PHKG1: variants seen among roughly 807,000 people sequenced by gnomAD.
PHKG1 encodes the protein phosphorylase kinase catalytic subunit gamma 1.
Under a neutral mutation model 50.5 loss-of-function variants are expected in PHKG1, and 48 were observed. The observed-to-expected ratio is 0.95, with a 90% CI of 0.75 to 1.21. PHKG1 has a LOEUF of 1.21. PHKG1 is among the 50% of genes most tolerant of loss of function. PHKG1 has a pLI of 0.00. For missense variants in PHKG1, 487 were observed against 519.5 expected, an observed-to-expected ratio of 0.94 and a Z score of 0.61; for synonymous variants, 204 against 212.8, an observed-to-expected ratio of 0.96 and a Z score of 0.36.
intron 6 of PHKG1, 47 bp downstream of exon 6, chr7:56,083,231 A>G (rs774874067): frequency 6.3e-7 from 1 of 1,584,090 alleles, no homozygotes; most frequent in Admixed American, 1.7e-5. Flanking sequence ...CAGATGGTTG[A>G]TTGAGCACCC....
Position 56,080,797 on chromosome 7 carries a change from T to A in PHKG1, c.*257A>T. On this transcript the variant is annotated 3_prime_UTR_variant, in exon 10 of 10. Coordinates refer to ENST00000297373, the MANE Select transcript of PHKG1 (RefSeq NM_006213.5). ...ATCTAGGAAGTAGAGGAGCAGGGGG[T>A]TCCTGGTTCTCAGGCCACGTGTGAT... 1.9e-6 allele frequency: 1 copy of A among 530,556 alleles called. No homozygotes were observed. Among genetic ancestry groups the A allele is most frequent in the Non-Finnish European group, 3.4e-6 (1 of 294,246 alleles). The allele number at this position is 530,556 out of a possible 1,614,324, so 32.9% of individuals were successfully genotyped here.
At chr7:56,088,670 G>A in intron 2 of PHKG1, 189 bp downstream of exon 2, 1 of 503,516 alleles carries the variant, frequency 2.0e-6, no homozygotes, top group South Asian at 3.0e-5. Flanking sequence ...GGAACTTTTT[G>A]CTGGGAGAGG....
At chr7:56,083,497 A>G (rs1316236471) in intron 5 of PHKG1, 56 bp from the exon 6 acceptor site, 5 of 1,589,228 alleles carry the variant, frequency 3.1e-6, no homozygotes, top group Middle Eastern at 1.7e-4. Flanking sequence ...GGTAACAGGC[A>G]GGGAGACACA....
chr7:56,081,068 C>A lies in PHKG1; in HGVS notation c.1150G>T (p.Glu384Ter), dbSNP rs141230469. The A allele has an allele frequency of 1.9e-6, 3 of 1,612,410 alleles. No homozygotes were observed. The South Asian group carries it at 3.3e-5, about 18-fold the overall frequency. The change falls in exon 10 of 10, where the codon GAG becomes TAG. Residue 384 changes from glutamate to a stop codon, truncating the protein, a stop_gained. Transcript: ENST00000297373. LOFTEE classifies it high-confidence loss of function. This position sits in a 1 kb window ranked among gnomAD's most constrained non-coding sequence, Gnocchi z 4.6. ...TPKAVLLSLAEEDY is the reference protein window; with the variant it reads ...TPKAVLLSLA Reference sequence around the variant, plus strand: ...TGGCCAGCCCCTCAGTAGTCCTCCTCGGCCAGGGAGAGGAGCACGGCCTTG... The same window carrying A: ...TGGCCAGCCCCTCAGTAGTCCTCCTAGGCCAGGGAGAGGAGCACGGCCTTG...
At position 56,087,551 on chromosome 7, in the gene PHKG1, G is replaced by T. The variant is rs754099134; in HGVS notation, c.262+47C>A. On this transcript the variant is annotated intron_variant, in intron 3 of 9. Coordinates refer to ENST00000297373, the MANE Select transcript of PHKG1 (RefSeq NM_006213.5). ...CTCCCTGGCTTGGGCTGTCAGGGCAGAATCACAGGGGGGCACCCTGCCGTG... is the reference window on the plus strand; with the variant it reads ...CTCCCTGGCTTGGGCTGTCAGGGCATAATCACAGGGGGGCACCCTGCCGTG... The T allele has an allele frequency of 3.2e-6, 5 of 1,580,026 alleles. No homozygotes were observed. The Admixed American group carries it at 8.4e-5, about 27-fold the overall frequency.
At chr7:56,086,757 G>A (rs534505417) in intron 4 of PHKG1, 1 of 570,312 alleles carries the variant, frequency 1.8e-6, no homozygotes, top group Admixed American at 3.1e-5. Flanking sequence ...AGAAAACCAA[G>A]ATTTAAAGAA....
At position 56,081,936 on chromosome 7, in the gene PHKG1, C is replaced by T; in HGVS notation, c.749G>A (p.Gly250Asp). 1 of 1,613,856 alleles carries T rather than the reference C, an allele frequency of 6.2e-7. No homozygotes were observed. Among genetic ancestry groups the T allele is most frequent in the Non-Finnish European group, 8.5e-7 (1 of 1,180,010 alleles). ...CGAGTAATCATCCCACTCGGGCGAGCCAAACTGGTAGTTGCCGCTCATGAT... is the reference window on the plus strand; with the variant it reads ...CGAGTAATCATCCCACTCGGGCGAGTCAAACTGGTAGTTGCCGCTCATGAT... ...RMIMSGNYQF[G>D]SPEWDDYSDT... Residue 250 changes from glycine to aspartate, a missense_variant, in exon 8 of 10, where the codon GGC (glycine) becomes GAC (aspartate). By Grantham distance (94) the Gly-to-Asp change is moderately conservative. Coordinates refer to ENST00000297373, the MANE Select transcript of PHKG1 (RefSeq NM_006213.5). This position sits in a 1 kb window ranked among gnomAD's most constrained non-coding sequence, Gnocchi z 4.6.
Position 56,082,205 on chromosome 7 carries a change from G to A in PHKG1, c.596C>T (p.Ser199Phe). ...GTAGCCCGGGTGGTCCTCATTCATG[G>A]AGCACTCGATAATCTCAGGGGCCAG... is the stretch of plus-strand genomic sequence containing the variant. ...SYLAPEIIECSMNEDHPGYGK... is the reference protein window; with the variant it reads ...SYLAPEIIECFMNEDHPGYGK... The change falls in exon 7 of 10, where the codon TCC (serine) becomes TTC (phenylalanine). Residue 199 changes from serine (S) to phenylalanine (F), a missense_variant. Transcript: ENST00000297373. 6.2e-7 allele frequency: 1 copy of A among 1,613,898 alleles called. No individual in the cohort carries two copies. Among genetic ancestry groups the A allele is most frequent in the Admixed American group, 1.7e-5 (1 of 60,016 alleles).
chr7:56,082,108 T>C, intron 7 of PHKG1, 55 bp downstream of exon 7: 1 of 1,611,202 alleles, frequency 6.2e-7, no homozygotes, highest in Non-Finnish European at 8.5e-7. Flanking sequence ...CAGCCCTGCC[T>C]ACTTCCTCCC....
chr7:56,080,460 C>T lies in PHKG1; in HGVS notation c.*594G>A, dbSNP rs1362716780. ...TTGAATTTTTGTAGTGATGGGATCT[C>T]GCTCTGTTGCCCAGGGTGGTCTCGA... On this transcript the variant is annotated 3_prime_UTR_variant, in exon 10 of 10. Transcript: ENST00000297373. 1 of 160,574 alleles carries T rather than the reference C, an allele frequency of 6.2e-6. No homozygotes were observed. Among genetic ancestry groups the T allele is most frequent in the African/African-American group, 2.4e-5 (1 of 41,320 alleles). 9.9% of individuals were successfully genotyped at this position (160,574 alleles called of 1,614,324 possible).
intron 1 of PHKG1, among the ~76,000 whole-genome samples, chr7:56,089,542 A>G (rs1398646427): frequency 2.6e-5 from 4 of 151,502 alleles, no homozygotes; most frequent in Non-Finnish European, 5.9e-5. Flanking sequence ...CTGAGTAGCT[A>G]GGACTAAAGT....
Position 56,081,281 on chromosome 7 carries a change from G to C in PHKG1, c.937C>G (p.Leu313Val), listed in dbSNP as rs747903197. 17 of 1,610,562 alleles carry C rather than the reference G, an allele frequency of 1.1e-5. No homozygotes were observed. The highest frequency in any genetic ancestry group is 2.2e-5 in the South Asian group (2 of 91,038). Residue 313 changes from leucine (L) to valine (V), a missense_variant, in exon 10 of 10, where the codon CTG becomes GTG. Leu to Val is a conservative substitution (Grantham distance 32). Transcript: ENST00000297373. This position sits in a 1 kb window ranked among gnomAD's most constrained non-coding sequence, Gnocchi z 4.6. ...GKFKVIALTVLASVRIYYQYR... is the reference protein window; with the variant it reads ...GKFKVIALTVVASVRIYYQYR... The stretch of plus-strand genomic sequence containing the variant: ...TGGTAGTAGATCCGCACTGAAGCCA[G>C]CACGGTCAGAGCGATCACCTGCAGG...
Position 56,083,378 on chromosome 7 carries a change from C to T in PHKG1, c.447G>A (p.Arg149=), listed in dbSNP as rs1374377148. ...CTLHKLNIVH[R]DLKPENILLD... is the part of the protein sequence containing the mutation. ...AGAGAATGTTCTCGGGCTTCAGGTC[C>T]CGGTGCACGATGTTGAGTTTGTGCA... Residue 149 remains arginine (R), a synonymous_variant, in exon 6 of 10, where the codon CGG becomes CGA. Transcript: ENST00000297373. 4 of 1,614,098 alleles carry T rather than the reference C, an allele frequency of 2.5e-6. No individual in the cohort carries two copies. In the Admixed American group the frequency reaches 6.7e-5, roughly 27 times the overall value.
In PHKG1 at chr7:56,087,614, T is replaced by C. The variant is rs2117587169; in HGVS notation, c.246A>G (p.Ser82=). The C allele has an allele frequency of 2.5e-6, 4 of 1,613,320 alleles. No individual in the cohort carries two copies. Among genetic ancestry groups the C allele is most frequent in the Admixed American group, 1.7e-5 (1 of 59,994 alleles). The part of the protein sequence containing the change: ...LKEVDILRKV[S]GHPNIIQLKD... ...ATCACTCACTGATGTTGGGGTGCCCTGAGACCTTGCGCAGGATGTCCACCT... is the reference window on the plus strand; with the variant it reads ...ATCACTCACTGATGTTGGGGTGCCCCGAGACCTTGCGCAGGATGTCCACCT... The change falls in exon 3 of 10, where the codon TCA becomes TCG. Residue 82 remains serine, a synonymous_variant. Transcript: ENST00000297373.
intron 1 of PHKG1, among the ~76,000 whole-genome samples, chr7:56,090,370 C>T (rs1796450514): frequency 6.6e-6 from 1 of 152,122 alleles, no homozygotes; most frequent in South Asian, 2.1e-4. Context: ...CACACCTTGG[C>T]CTCCCAAAGT....
chr7:56,084,582 C>T (rs941368749), intron 4 of PHKG1, among the ~76,000 whole-genome samples: 1 of 152,042 alleles, frequency 6.6e-6, no homozygotes, highest in African/African-American at 2.4e-5. Flanking sequence ...TCATGTTGCC[C>T]AGGCTGGTCT....
intron 4 of PHKG1, chr7:56,084,112 G>A: frequency 8.7e-7 from 1 of 1,148,506 alleles, no homozygotes; most frequent in African/African-American, 1.5e-5. Flanking sequence ...GACCAGGGAA[G>A]CAATGGGCCC....
chr7:56,086,276 G>A (rs1281868245), intron 4 of PHKG1, among the ~76,000 whole-genome samples: 1 of 151,966 alleles, frequency 6.6e-6, no homozygotes, highest in East Asian at 1.9e-4. Context: ...TAGCACTGAA[G>A]CCTATACTTA....
intron 4 of PHKG1, chr7:56,084,075 T>C: frequency 1.2e-6 from 1 of 806,806 alleles, no homozygotes; most frequent in Non-Finnish European, 2.0e-6. Flanking sequence ...CCCATTACCC[T>C]AGTTCCAGGC....
Sources: gnomAD v4.1 joint callset for allele counts (sites outside exome capture counted in the v4.1 genomes callset) on GRCh38, gnomAD v4.1.1 for gene constraint, Gnocchi (gnomAD v3.1) non-coding constraint, MANE v1.5 for transcripts, NCBI Gene and HGNC (gene_info 2026-07-23, HGNC 2026-07-21) for gene names.